Variants in MYO6 observed in about 807,000 individuals in gnomAD.
MYO6 encodes the protein unconventional myosin-VI.
In MYO6, 74 loss-of-function variants were observed where a neutral mutation model predicts 178.7. That is an observed-to-expected ratio of 0.41 (90% CI 0.34 to 0.50). The LOEUF (loss-of-function observed/expected upper bound fraction) is 0.50. MYO6 is among the 20% of genes least tolerant of loss of function. The pLI is 0.09. For synonymous variants in MYO6, 477 were observed against 504.6 expected (o/e 0.95, Z 0.73); for missense variants, 1,330 against 1,547.4 (o/e 0.86, Z 2.36).
chr6:75,863,572 G>T (rs962008354), intron 16 of MYO6, among the ~76,000 whole-genome samples: 1 of 151,618 alleles, frequency 6.6e-6, no homozygotes, highest in African/African-American at 2.4e-5. Context: ...TGCAACCTCC[G>T]CATCTTGGTT....
At chr6:75,757,158 GTGTA>G (rs1777494328) in intron 1 of MYO6, among the ~76,000 whole-genome samples, 1 of 146,720 alleles carries the variant, frequency 6.8e-6, no homozygotes, top group Non-Finnish European at 1.5e-5. Context: ...TGTTGTGTGT[GTGTA>G]TGTATATACA....
chr6:75,794,736 A>C (rs1489226694), intron 1 of MYO6, among the ~76,000 whole-genome samples: 1 of 119,698 alleles, frequency 8.4e-6, no homozygotes, highest in East Asian at 3.2e-4. Flanking sequence ...ATAAGCAAAA[A>C]AAATAAAAAA....
chr6:75,785,163 G>A (rs1187321808), intron 1 of MYO6, among the ~76,000 whole-genome samples: 1 of 152,104 alleles, frequency 6.6e-6, no homozygotes. Context: ...ATTAATTGCT[G>A]TCTGTTCTAT....
Position 75,830,408 on chromosome 6 carries a change from G to A in MYO6, c.262-8G>A, listed in dbSNP as rs370868100. On this transcript the variant is annotated splice_region_variant and splice_polypyrimidine_tract_variant and intron_variant, in intron 4 of 34. Coordinates refer to ENST00000369977, the MANE Select transcript of MYO6 (RefSeq NM_004999.4). ...GGAATATTTTATGTTTATGCTTTTC[G>A]TATTTAGACATATGTCGCCAACATT... 32 of 1,607,236 alleles carry A rather than the reference G, an allele frequency of 2.0e-5. No individual in the cohort carries two copies. In the African/African-American group the frequency reaches 3.3e-4, roughly 17 times the overall value.
intron 1 of MYO6, among the ~76,000 whole-genome samples, chr6:75,755,517 A>G (rs1173126240): frequency 2.0e-5 from 3 of 152,226 alleles, no homozygotes; most frequent in African/African-American, 7.2e-5. Flanking sequence ...CATTTTAAAT[A>G]GATTGCTAGA....
At chr6:75,864,645 A>G (rs768124674) in intron 16 of MYO6, among the ~76,000 whole-genome samples, 4 of 152,204 alleles carry the variant, frequency 2.6e-5, no homozygotes, top group African/African-American at 7.2e-5. Flanking sequence ...AGTCAACAGA[A>G]TTGTCACGAG....
chr6:75,914,347 C>A, intron 34 of MYO6, 66 bp downstream of exon 34: 2 of 1,421,666 alleles, frequency 1.4e-6, no homozygotes, highest in Non-Finnish European at 2.0e-6. Flanking sequence ...CTGAATGAAA[C>A]ATTCTAATGT....
At chr6:75,854,275 CTTTTTTTTT>C (rs61398235) in intron 11 of MYO6, among the ~76,000 whole-genome samples, 6 of 45,468 alleles carry the variant, frequency 1.3e-4, no homozygotes, top group African/African-American at 5.5e-4. Flanking sequence ...AACTGCATTG[CTTTTTTTTT>C]TTTTTTTTTT....
At chr6:75,881,124 G>A (rs750086509) in intron 22 of MYO6, among the ~76,000 whole-genome samples, 2 of 152,030 alleles carry the variant, frequency 1.3e-5, no homozygotes, top group East Asian at 1.9e-4. Context: ...GTGGTGGTGC[G>A]TGCCTGTAAT....
chr6:75,856,728 A>G (rs1303121172), intron 12 of MYO6, among the ~76,000 whole-genome samples: 1 of 152,154 alleles, frequency 6.6e-6, no homozygotes, highest in Non-Finnish European at 1.5e-5. Flanking sequence ...TAAACAGTGT[A>G]AAGAAGTTAC....
intron 30 of MYO6, among the ~76,000 whole-genome samples, chr6:75,905,268 C>A (rs1453629006): frequency 1.3e-5 from 2 of 152,238 alleles, no homozygotes; most frequent in Admixed American, 1.3e-4. Flanking sequence ...AGCTTCCCGG[C>A]TGCTTTGTTT....
chr6:75,814,486 T>G (rs865988018), intron 1 of MYO6, among the ~76,000 whole-genome samples: 2 of 152,198 alleles, frequency 1.3e-5, no homozygotes, highest in Non-Finnish European at 2.9e-5. Flanking sequence ...AGCCTTCTAT[T>G]AAGCCATCTT....
chr6:75,825,396 C>A (rs979464165), intron 3 of MYO6, among the ~76,000 whole-genome samples: 1 of 152,150 alleles, frequency 6.6e-6, no homozygotes, highest in African/African-American at 2.4e-5. Context: ...ACTTTGAGAC[C>A]AGCCTGGCCA....
At chr6:75,786,548 CT>C (rs1767585335) in intron 1 of MYO6, among the ~76,000 whole-genome samples, 1 of 152,094 alleles carries the variant, frequency 6.6e-6, no homozygotes, top group South Asian at 2.1e-4. Flanking sequence ...TTATTTAGGT[CT>C]TTGTTAATTT....
intron 1 of MYO6, among the ~76,000 whole-genome samples, chr6:75,801,175 A>G (rs1284691972): frequency 6.6e-6 from 1 of 152,210 alleles, no homozygotes; most frequent in Non-Finnish European, 1.5e-5. Context: ...AAGAGGTTTA[A>G]TTGACTCACA....
At chr6:75,889,184 G>A (rs544256979) in intron 25 of MYO6, among the ~76,000 whole-genome samples, 14 of 152,100 alleles carry the variant, frequency 9.2e-5, no homozygotes, top group Non-Finnish European at 1.9e-4. Flanking sequence ...AAATGAAAAT[G>A]CTATAAATAG....
At position 75,859,529 on chromosome 6, in the gene MYO6, G is replaced by A. The variant is rs1050780775; in HGVS notation, c.1473+536G>A. Among the ~76,000 whole-genome samples the A allele has an allele frequency of 2.0e-5, 3 of 152,002 alleles. No homozygotes were observed. In the South Asian group the frequency reaches 6.2e-4, roughly 32 times the overall value. ...TGGCTAGGCTAGTCTCGAACTCTTG[G>A]CCTCAAGTAATCTGCCTGCCTCATC... On this transcript the variant is annotated intron_variant, in intron 14 of 34. Coordinates refer to ENST00000369977, the MANE Select transcript of MYO6 (RefSeq NM_004999.4).
chr6:75,830,496 A>T lies in MYO6; in HGVS notation c.342A>T (p.Ser114=). The change falls in exon 5 of 35, where the codon TCA becomes TCT. Residue 114 remains serine, a synonymous_variant. Transcript: ENST00000369977. Reference sequence around the variant, plus strand: ...TATATTCTTCAGAAGCAATAAAGTCATATCAAGGAAAATCTCTTGGGACAA... The same window carrying T: ...TATATTCTTCAGAAGCAATAAAGTCTTATCAAGGAAAATCTCTTGGGACAA... ...PKIYSSEAIK[S]YQGKSLGTRP... 1 of 1,612,498 alleles carries T rather than the reference A, an allele frequency of 6.2e-7. No individual in the cohort carries two copies. Among genetic ancestry groups the T allele is most frequent in the Non-Finnish European group, 8.5e-7 (1 of 1,178,694 alleles).
At chr6:75,805,019 ATATTT>A (rs1769906231) in intron 1 of MYO6, among the ~76,000 whole-genome samples, 1 of 61,376 alleles carries the variant, frequency 1.6e-5, no homozygotes, top group African/African-American at 1.1e-4. Context: ...ATATATATAT[ATATTT>A]TTTTTTTTTT....
Sources: gnomAD v4.1 joint callset for allele counts (sites outside exome capture counted in the v4.1 genomes callset) on GRCh38, gnomAD v4.1.1 for gene constraint, MANE v1.5 for transcripts, NCBI Gene and HGNC (gene_info 2026-07-23, HGNC 2026-07-21) for gene names.